The following ARAP3 variants were observed in gnomAD, a reference collection of about 807,000 sequenced individuals.
ARAP3 encodes the protein arf-GAP with Rho-GAP domain, ANK repeat and PH domain-containing protein 3.
In ARAP3, 82 loss-of-function variants were observed where a neutral mutation model predicts 169.2. That is an observed-to-expected ratio of 0.48 (90% CI 0.41 to 0.58). The LOEUF (loss-of-function observed/expected upper bound fraction) is 0.58. Among genes scored for constraint, ARAP3 ranks in the 20% least tolerant of loss-of-function variants. ARAP3 has a pLI of 0.00. For missense variants in ARAP3, 1,764 were observed against 2,018.0 expected, an observed-to-expected ratio of 0.87 and a Z score of 2.41; for synonymous variants, 791 against 800.3, an observed-to-expected ratio of 0.99 and a Z score of 0.20.
chr5:141,662,378 G>A, intron 19 of ARAP3, 123 bp from the exon 20 acceptor site: 1 of 864,168 alleles, frequency 1.2e-6, no homozygotes, highest in South Asian at 1.6e-5. Flanking sequence ...GAGAGGAGGA[G>A]ATCTATGCCT....
intron 22 of ARAP3, 75 bp downstream of exon 22, chr5:141,659,704 A>T (rs1015900576): frequency 1.9e-6 from 3 of 1,554,978 alleles, no homozygotes; most frequent in Non-Finnish European, 1.7e-6. Flanking sequence ...TGTTGGGGTG[A>T]TCAGGATCCA....
rs2099910005 is a variant in ARAP3, at chr5:141,661,763, C to T, written c.3040G>A (p.Glu1014Lys). ...CAGCCAATCACATCTTTATATTTCT[C>T]CAGGCGCTGATTCTTCTGGGGCAGC... ...AELPQKNQRL[E>K]KYKDVIGCLP... is the part of the protein sequence containing the mutation. Residue 1014 changes from glutamate (E) to lysine (K), a missense_variant, in exon 21 of 33, where the codon GAG (glutamate) becomes AAG (lysine). Coordinates refer to ENST00000239440, the MANE Select transcript of ARAP3 (RefSeq NM_022481.6). 8.7e-6 allele frequency: 14 copies of T among 1,614,206 alleles called. No homozygotes were observed. Among genetic ancestry groups the T allele is most frequent in the Non-Finnish European group, 1.0e-5 (12 of 1,180,042 alleles).
intron 21 of ARAP3, among the ~76,000 whole-genome samples, chr5:141,660,322 C>G (rs947803154): frequency 1.3e-5 from 2 of 151,892 alleles, no homozygotes; most frequent in Admixed American, 1.3e-4. Context: ...GAAACCCCGT[C>G]TCTACTAAAA....
rs1166773761 is a variant in ARAP3 at position 141,656,641 on chromosome 5, G to A, written c.3656-4C>T. 2 of 1,613,620 alleles carry A rather than the reference G, an allele frequency of 1.2e-6. No individual in the cohort carries two copies. The highest frequency in any genetic ancestry group is 1.1e-5 in the South Asian group (1 of 90,928). ...CGTGGGCTCTCACGTCGGATACCTG[G>A]GCATAGATGGGCAATCCTGGGTGGA... On this transcript the variant is annotated splice_region_variant and splice_polypyrimidine_tract_variant and intron_variant, in intron 26 of 32. Transcript: ENST00000239440.
chr5:141,656,483 C>T lies in ARAP3; in HGVS notation c.3789+21G>A, dbSNP rs200362515. On this transcript the variant is annotated intron_variant, in intron 27 of 32. Coordinates refer to ENST00000239440, the MANE Select transcript of ARAP3 (RefSeq NM_022481.6). Reference sequence around the variant, plus strand: ...CTCCATGGCCACCCAGCATCCCACACCTCTGGCCCCAGGGCCTCACTTTCT... The same window carrying T: ...CTCCATGGCCACCCAGCATCCCACATCTCTGGCCCCAGGGCCTCACTTTCT... 105 of 1,607,284 alleles carry T rather than the reference C, an allele frequency of 6.5e-5. No individual in the cohort carries two copies. In the African/African-American group the frequency reaches 1.0e-3, roughly 16 times the overall value.
intron 4 of ARAP3, among the ~76,000 whole-genome samples, chr5:141,677,047 T>C (rs1256365836): frequency 2.6e-5 from 4 of 152,194 alleles, no homozygotes; most frequent in Non-Finnish European, 5.9e-5. Flanking sequence ...AGGACAGTGC[T>C]ATCCAGCAGA....
chr5:141,655,811 G>A (rs2099909196), intron 30 of ARAP3, 53 bp from the exon 31 acceptor site: 1 of 1,614,030 alleles, frequency 6.2e-7, no homozygotes, highest in Non-Finnish European at 8.5e-7. Flanking sequence ...CACTGAGGAG[G>A]ACAGCTGGGC....
At position 141,671,636 on chromosome 5, in the gene ARAP3, T is replaced by C. The variant is rs1360463625; in HGVS notation, c.1788A>G (p.Arg596=). 1 of 1,611,566 alleles carries C rather than the reference T, an allele frequency of 6.2e-7. No homozygotes were observed. The highest frequency in any genetic ancestry group is 8.5e-7 in the Non-Finnish European group (1 of 1,177,796). The change falls in exon 12 of 33, where the codon CGA becomes CGG. Residue 596 remains arginine (R), a synonymous_variant. Transcript: ENST00000239440. This position sits in a 1 kb window ranked among gnomAD's most constrained non-coding sequence, Gnocchi z 4.9. ...TPGPRGEFIS[R]KYRLGLFRKP... is the part of the protein sequence containing the mutation. ...TCCGGAAGAGACCCAGACGGTACTT[T>C]CGGGAGATGAACTCTCCCCGGGGGC...
intron 4 of ARAP3, among the ~76,000 whole-genome samples, chr5:141,678,956 T>C (rs1428135806): frequency 2.6e-5 from 4 of 152,248 alleles, no homozygotes; most frequent in Non-Finnish European, 4.4e-5. Flanking sequence ...CGGTGCATGA[T>C]AGTTGCTCAA....
chr5:141,664,535 C>A (rs552560006), intron 19 of ARAP3, among the ~76,000 whole-genome samples: 1 of 152,176 alleles, frequency 6.6e-6, no homozygotes, highest in African/African-American at 2.4e-5. Flanking sequence ...GCTCTCACCT[C>A]GCAGCTGCTC....
intron 19 of ARAP3, among the ~76,000 whole-genome samples, chr5:141,663,112 A>C (rs942096862): frequency 1.3e-5 from 2 of 152,140 alleles, no homozygotes; most frequent in Admixed American, 6.6e-5. Context: ...ACAAGAACAG[A>C]CTATATTTGT....
intron 6 of ARAP3, 104 bp downstream of exon 6, chr5:141,673,297 T>A: frequency 6.4e-7 from 1 of 1,562,434 alleles, no homozygotes; most frequent in Non-Finnish European, 8.8e-7. Flanking sequence ...ATGCAGTCAC[T>A]GCCCCGCCCA....
At position 141,653,769 on chromosome 5, in the gene ARAP3, A is replaced by G; in HGVS notation, c.*181T>C. 1 of 705,780 alleles carries G rather than the reference A, an allele frequency of 1.4e-6. No individual in the cohort carries two copies. Among genetic ancestry groups the G allele is most frequent in the Non-Finnish European group, 2.1e-6 (1 of 471,536 alleles). The allele number at this position is 705,780 out of a possible 1,614,324, so 43.7% of individuals were successfully genotyped here. A position where few individuals can be genotyped will look rare whatever the true frequency, so the allele number is the denominator to read the frequency against. ...GTATAGATAAATGGGCTGGGCCCAG[A>G]GAGGGGCCATGACCTGTCCTGGGAC... On this transcript the variant is annotated 3_prime_UTR_variant, in exon 33 of 33. Transcript: ENST00000239440.
At chr5:141,665,257 T>C in intron 18 of ARAP3, 54 bp downstream of exon 18, 2 of 1,600,854 alleles carry the variant, frequency 1.2e-6, no homozygotes, top group East Asian at 4.5e-5. Flanking sequence ...GGTTGCAGAG[T>C]ATGGGCTCTG....
Position 141,679,831 on chromosome 5 carries a change from A to G in ARAP3, c.525-9T>C, listed in dbSNP as rs199617034. ...GGGAGCTGTCTGGGGCCCTGAAGGG[A>G]AAGGTCTATTGGTTACTTAAGGAGA... On this transcript the variant is annotated splice_polypyrimidine_tract_variant and intron_variant, in intron 2 of 32. Coordinates refer to ENST00000239440, the MANE Select transcript of ARAP3 (RefSeq NM_022481.6). 2 of 1,611,272 alleles carry G rather than the reference A, an allele frequency of 1.2e-6. No homozygotes were observed. The highest frequency in any genetic ancestry group is 2.7e-5 in the African/African-American group (2 of 74,606).
At position 141,666,472 on chromosome 5, in the gene ARAP3, G is replaced by T. The variant is rs369718019; in HGVS notation, c.2524C>A (p.Pro842Thr). 1.2e-4 allele frequency: 194 copies of T among 1,596,846 alleles called. No individual in the cohort carries two copies. Among genetic ancestry groups the T allele is most frequent in the Non-Finnish European group, 1.6e-4 (185 of 1,171,744 alleles). Residue 842 changes from proline to threonine, a missense_variant, in exon 17 of 33, where the codon CCC becomes ACC. Physicochemically the swap from Pro to Thr is conservative, Grantham distance 38. Transcript: ENST00000239440. ...LFLCSAPGPG[P>T]PAPEDMVHLR... ...TGCACCATGTCCTCAGGGGCTGGGG[G>T]GCCTGGGCCCGGCGCTGAGCACAGG... is the stretch of plus-strand genomic sequence containing the variant.
rs1039033777 is a variant in ARAP3 at position 141,653,962 on chromosome 5, C to T, written c.4623G>A (p.Gln1541=). ...GCTGGTCCTAGGGTCATGTGAGGGG[C>T]TGGCTGGAGGGTGGACTGGAAGTGC... ...PPCTSSPPSS[Q]PLT is the part of the protein sequence containing the mutation. Residue 1541 remains glutamine (Q), a synonymous_variant, in exon 33 of 33, where the codon CAG becomes CAA. Coordinates refer to ENST00000239440, the MANE Select transcript of ARAP3 (RefSeq NM_022481.6). The T allele has an allele frequency of 6.5e-7, 1 of 1,529,112 alleles. No homozygotes were observed. Among genetic ancestry groups the T allele is most frequent in the Non-Finnish European group, 8.8e-7 (1 of 1,139,574 alleles). 94.7% of individuals were successfully genotyped at this position (1,529,112 alleles called of 1,614,324 possible).
chr5:141,663,436 C>T (rs189702839), intron 19 of ARAP3, among the ~76,000 whole-genome samples: 14 of 152,308 alleles, frequency 9.2e-5, no homozygotes, highest in African/African-American at 2.9e-4. Flanking sequence ...ATTACAGGCA[C>T]CCGCCACCAT....
Position 141,664,991 on chromosome 5 carries a change from C to G in ARAP3, c.2731G>C (p.Glu911Gln). Residue 911 changes from glutamate (E) to glutamine (Q), a missense_variant, in exon 19 of 33, where the codon GAG (glutamate) becomes CAG (glutamine). Physicochemically the swap from Glu to Gln is conservative, Grantham distance 29. Around this residue, in one of 3 missense-constraint regions of ARAP3, gnomAD observed 1,112 missense variants for 1,285.7 expected, o/e 0.86. Coordinates refer to ENST00000239440, the MANE Select transcript of ARAP3 (RefSeq NM_022481.6). ...AAGGGGTGLQEQQMSRGDIPI... is the reference protein window; with the variant it reads ...AAGGGGTGLQQQQMSRGDIPI... ...ATGTCACCCCGGCTCATCTGCTGCTCCTGCAGCCCTGTGCCGCCCCCACCA... is the reference window on the plus strand; with the variant it reads ...ATGTCACCCCGGCTCATCTGCTGCTGCTGCAGCCCTGTGCCGCCCCCACCA... 6.2e-7 allele frequency: 1 copy of G among 1,613,780 alleles called. No individual in the cohort carries two copies. Among genetic ancestry groups the G allele is most frequent in the Non-Finnish European group, 8.5e-7 (1 of 1,179,920 alleles).
Sources: allele counts gnomAD v4.1 joint callset (sites outside exome capture counted in the v4.1 genomes callset), GRCh38; gene constraint gnomAD v4.1.1; regional missense constraint gnomAD v4.1.1; non-coding constraint Gnocchi (gnomAD v3.1); transcripts MANE v1.5; gene names NCBI Gene and HGNC (gene_info 2026-07-23, HGNC 2026-07-21).